Variants in SORCS2 observed in about 807,000 individuals in gnomAD.
SORCS2 encodes VPS10 domain-containing receptor SorCS2.
A neutral mutation model predicts 141.6 loss-of-function variants in SORCS2; 100 were observed. That is an observed-to-expected ratio of 0.71 (90% CI 0.60 to 0.83). The LOEUF is 0.83. SORCS2 is among the 40% of genes least tolerant of loss of function. The pLI is 0.00. For synonymous variants in SORCS2, 789 were observed against 676.9 expected (o/e 1.17, Z -2.57); for missense variants, 1,646 against 1,560.2 (o/e 1.05, Z -0.93).
intron 12 of SORCS2, among the ~76,000 whole-genome samples, chr4:7,702,050 C>T (rs73794387): frequency 0.012 from 1,759 of 152,302 alleles, 39 homozygotes; most frequent in African/African-American, 0.04. Flanking sequence ...TGTGCCTTCC[C>T]GGGAGGCCCA....
At chr4:7,211,808 G>A (rs542529793) in intron 1 of SORCS2, among the ~76,000 whole-genome samples, 31 of 152,170 alleles carry the variant, frequency 2.0e-4, no homozygotes, top group African/African-American at 5.1e-4. Flanking sequence ...GAGGAGAGGC[G>A]GGGGGCCCCT....
rs1021313656 is a variant in SORCS2, at chr4:7,233,514, G to T, written c.480+40388G>T. On this transcript the variant is annotated intron_variant, in intron 1 of 26. Coordinates refer to ENST00000507866, the MANE Select transcript of SORCS2 (RefSeq NM_020777.3). This position sits in a 1 kb window ranked among gnomAD's most constrained non-coding sequence, Gnocchi z 4.5. ...CTGGGCTCAGGGTGAGCAGACACTT[G>T]CTGGGTTCAGGGTGAGCAGACACTG... Among the ~76,000 whole-genome samples the T allele has an allele frequency of 3.9e-5, 6 of 152,184 alleles. No individual in the cohort carries two copies. The highest frequency in any genetic ancestry group is 1.4e-4 in the African/African-American group (6 of 41,432).
intron 2 of SORCS2, among the ~76,000 whole-genome samples, chr4:7,464,899 G>A (rs1288616420): frequency 6.6e-6 from 1 of 152,216 alleles, no homozygotes; most frequent in African/African-American, 2.4e-5. Flanking sequence ...CTAAAAGCCG[G>A]CGCCTCCGGC....
At chr4:7,359,112 A>G (rs1050816912) in intron 1 of SORCS2, among the ~76,000 whole-genome samples, 1 of 152,246 alleles carries the variant, frequency 6.6e-6, no homozygotes, top group Non-Finnish European at 1.5e-5. Flanking sequence ...CCTGGCCAAC[A>G]TGGCGAAATC....
chr4:7,717,748 G>C (rs1466139109), intron 17 of SORCS2, among the ~76,000 whole-genome samples: 1 of 152,238 alleles, frequency 6.6e-6, no homozygotes, highest in Non-Finnish European at 1.5e-5. Context: ...AATATGATCA[G>C]ACCACGGAGA....
chr4:7,622,014 G>A (rs1719227219), intron 3 of SORCS2, among the ~76,000 whole-genome samples: 1 of 152,138 alleles, frequency 6.6e-6, no homozygotes, highest in Non-Finnish European at 1.5e-5. Flanking sequence ...CCGGGTGTGC[G>A]ATTTTACTGA....
At chr4:7,232,956 C>A (rs1281199897) in intron 1 of SORCS2, among the ~76,000 whole-genome samples, 1 of 152,202 alleles carries the variant, frequency 6.6e-6, no homozygotes, top group Admixed American at 6.5e-5. Flanking sequence ...CTGTCAGAGA[C>A]AAGGTGTCAG....
intron 1 of SORCS2, among the ~76,000 whole-genome samples, chr4:7,226,711 G>A (rs546107169): frequency 1.3e-4 from 20 of 151,968 alleles, no homozygotes; most frequent in African/African-American, 4.1e-4. Context: ...GCCCTGCGGC[G>A]GCTCGGTGTG....
intron 3 of SORCS2, among the ~76,000 whole-genome samples, chr4:7,556,901 A>G (rs924212591): frequency 7.6e-6 from 1 of 131,470 alleles, no homozygotes; most frequent in Non-Finnish European, 1.6e-5. Flanking sequence ...CCCACCATCC[A>G]TCCATCCATC....
chr4:7,715,146 G>A (rs1396868921), intron 16 of SORCS2, 37 bp from the exon 17 acceptor site: 24 of 1,608,330 alleles, frequency 1.5e-5, no homozygotes, highest in Non-Finnish European at 1.7e-5. Context: ...GTTCCCACCT[G>A]TGCCCGTCAC....
At chr4:7,607,649 A>G (rs774599031) in intron 3 of SORCS2, among the ~76,000 whole-genome samples, 2 of 152,190 alleles carry the variant, frequency 1.3e-5, no homozygotes, top group South Asian at 4.1e-4. Flanking sequence ...GCATCCAGTC[A>G]TGGGTAGTCC....
At chr4:7,481,393 G>A (rs35108172) in intron 2 of SORCS2, among the ~76,000 whole-genome samples, 26,293 of 152,266 alleles carry the variant, frequency 0.17, 2,319 homozygotes, top group East Asian at 0.28. Context: ...AAAGAGCTGG[G>A]TGGTGGGATT....
chr4:7,194,958 G>A (rs1577262314), intron 1 of SORCS2, among the ~76,000 whole-genome samples: 1 of 152,218 alleles, frequency 6.6e-6, no homozygotes, highest in African/African-American at 2.4e-5. Context: ...GAGGGGATAG[G>A]CTGACATCCA....
intron 1 of SORCS2, among the ~76,000 whole-genome samples, chr4:7,314,800 G>GTTTTTTTTTTTTTTTTTTTTTTTTTTTT (rs397880294): frequency 9.1e-6 from 1 of 109,832 alleles, no homozygotes; most frequent in Non-Finnish European, 1.9e-5. Flanking sequence ...CCACTGTTCT[G>GTTTTTTTTTTTTTTTTTTTTTTTTTTTT]TTTTTTTTTT....
chr4:7,496,999 C>T (rs535363473), intron 2 of SORCS2, among the ~76,000 whole-genome samples: 1 of 152,342 alleles, frequency 6.6e-6, no homozygotes, highest in African/African-American at 2.4e-5. Flanking sequence ...GGTGGGTGCT[C>T]TTGCGCTGAC....
Position 7,495,178 on chromosome 4 carries a change from G to A in SORCS2, c.549-36352G>A, listed in dbSNP as rs139907295. 2.8e-3 allele frequency among the ~76,000 whole-genome samples: 428 copies of A among 152,314 alleles called. 1 individual carries two copies. The highest frequency in any genetic ancestry group is 9.6e-3 in the African/African-American group (399 of 41,570). On this transcript the variant is annotated intron_variant, in intron 2 of 26. Transcript: ENST00000507866. ...ACTGCAGCCTCAGCGTCAAAGCCTC[G>A]CTTGCCCCAGACTAAATGCTGGGGG...
At chr4:7,706,350 C>CTGGGCAGGGATGAGGCTGGGCTCT (rs1190123891) in intron 14 of SORCS2, among the ~76,000 whole-genome samples, 5 of 24,640 alleles carry the variant, frequency 2.0e-4, no homozygotes, top group African/African-American at 6.4e-4. Context: ...GGCTGGGCTC[C>CTGGGCAGGGATGAGGCTGGGCTCT]GTCTGGGCAG....
rs368070730 is a variant in SORCS2, at chr4:7,654,071, T to C, written c.814-63T>C. 5.6e-6 allele frequency: 8 copies of C among 1,424,042 alleles called. No homozygotes were observed. In the African/African-American group the frequency reaches 1.1e-4, roughly 20 times the overall value. 88.2% of individuals were successfully genotyped at this position (1,424,042 alleles called of 1,614,324 possible). On this transcript the variant is annotated intron_variant, in intron 4 of 26. Coordinates refer to ENST00000507866, the MANE Select transcript of SORCS2 (RefSeq NM_020777.3). ...CTGCTGTGGTGAAGACATCACCCTC[T>C]CTCAGAAGCAGCTTATTCCTGACGT...
chr4:7,640,682 G>A (rs1720675461), intron 4 of SORCS2, among the ~76,000 whole-genome samples: 2 of 151,904 alleles, frequency 1.3e-5, no homozygotes, highest in Admixed American at 6.6e-5. Context: ...TGAGGTGATG[G>A]TCCCAGGTTC....
Sources: allele counts gnomAD v4.1 joint callset (sites outside exome capture counted in the v4.1 genomes callset), GRCh38; gene constraint gnomAD v4.1.1; non-coding constraint Gnocchi (gnomAD v3.1); transcripts MANE v1.5; gene names NCBI Gene and HGNC (gene_info 2026-07-23, HGNC 2026-07-21).